Variants in OPCML observed in about 807,000 individuals in gnomAD.
The protein encoded by OPCML is opioid binding protein/cell adhesion molecule like, also known as opioid-binding protein/cell adhesion molecule.
In OPCML, 13 loss-of-function variants were observed where a neutral mutation model predicts 37.8. That is an observed-to-expected ratio of 0.34 (90% CI 0.22 to 0.55). OPCML has a LOEUF of 0.55. Among genes scored for constraint, OPCML ranks in the 20% least tolerant of loss-of-function variants. The probability of loss-of-function intolerance (pLI) is 0.91; values close to 1 mark genes in which losing one functional copy is unlikely to be tolerated. For missense variants in OPCML, 341 were observed against 435.6 expected (o/e 0.78, Z 1.93); for synonymous variants, 176 against 168.8 (o/e 1.04, Z -0.33).
chr11:133,033,995 C>A (rs750692837), intron 1 of OPCML, among the ~76,000 whole-genome samples: 13 of 152,126 alleles, frequency 8.5e-5, no homozygotes, highest in Non-Finnish European at 1.3e-4. Context: ...TAACTGACAC[C>A]CTTTATTACT....
chr11:133,347,269 C>G (rs973134909), intron 1 of OPCML, among the ~76,000 whole-genome samples: 14 of 152,194 alleles, frequency 9.2e-5, no homozygotes, highest in African/African-American at 3.4e-4. Context: ...CATGATGACT[C>G]TCCCTGGGAG....
intron 1 of OPCML, among the ~76,000 whole-genome samples, chr11:133,444,444 G>T (rs78599762): frequency 0.014 from 2,148 of 152,234 alleles, 112 homozygotes; most frequent in Admixed American, 0.1. Flanking sequence ...CTAGTTCAAA[G>T]ATGATTTGAG....
At chr11:132,654,323 C>A (rs373287540) in intron 3 of OPCML, among the ~76,000 whole-genome samples, 1 of 152,168 alleles carries the variant, frequency 6.6e-6, no homozygotes, top group Admixed American at 6.5e-5. Context: ...AATGTCCTCC[C>A]GAAGAGAAGA....
At chr11:133,340,448 A>G (rs1943840121) in intron 1 of OPCML, among the ~76,000 whole-genome samples, 1 of 151,960 alleles carries the variant, frequency 6.6e-6, no homozygotes. Context: ...ACTTTTCCCC[A>G]CCTCCTCTTT....
intron 1 of OPCML, among the ~76,000 whole-genome samples, chr11:133,150,557 C>A (rs879708972): frequency 3.9e-5 from 6 of 152,290 alleles, no homozygotes; most frequent in Admixed American, 6.5e-5. Flanking sequence ...CCTCTAAAAC[C>A]TGAAGCCACT....
chr11:133,053,863 T>C (rs1216346555), intron 1 of OPCML, among the ~76,000 whole-genome samples: 1 of 152,132 alleles, frequency 6.6e-6, no homozygotes, highest in Non-Finnish European at 1.5e-5. Context: ...AATCTAACCA[T>C]CCACATGGCA....
intron 3 of OPCML, among the ~76,000 whole-genome samples, chr11:132,551,076 C>G (rs922563458): frequency 6.6e-6 from 1 of 152,148 alleles, no homozygotes; most frequent in African/African-American, 2.4e-5. Flanking sequence ...GAGATGGGCC[C>G]TTTCTCAGTG....
intron 1 of OPCML, among the ~76,000 whole-genome samples, chr11:133,378,103 T>A (rs1944855749): frequency 6.6e-6 from 1 of 152,242 alleles, no homozygotes; most frequent in Non-Finnish European, 1.5e-5. Context: ...GCGTCAGGCG[T>A]TTAGAAGAAG....
chr11:132,648,509 A>G (rs1164694482), intron 3 of OPCML, among the ~76,000 whole-genome samples: 1 of 148,830 alleles, frequency 6.7e-6, no homozygotes, highest in Non-Finnish European at 1.5e-5. Context: ...AGGCCCTGAC[A>G]CTTCTCTCTG....
chr11:132,936,112 G>A (rs1029817144), intron 2 of OPCML, among the ~76,000 whole-genome samples: 1 of 152,172 alleles, frequency 6.6e-6, no homozygotes, highest in African/African-American at 2.4e-5. Context: ...GTGCGGGTGA[G>A]GGGAGGGAAG....
intron 1 of OPCML, among the ~76,000 whole-genome samples, chr11:133,321,899 A>C (rs1943338192): frequency 6.6e-6 from 1 of 152,098 alleles, no homozygotes; most frequent in Non-Finnish European, 1.5e-5. Flanking sequence ...TTTGACTGCA[A>C]ACCTCAAGCA....
intron 3 of OPCML, among the ~76,000 whole-genome samples, chr11:132,633,982 G>A (rs568969361): frequency 6.6e-6 from 1 of 152,308 alleles, no homozygotes; most frequent in South Asian, 2.1e-4. Flanking sequence ...CCAGTGTGTG[G>A]CTTGGACCAT....
chr11:132,681,186 AAGGG>A (rs1942924984), intron 2 of OPCML, among the ~76,000 whole-genome samples: 1 of 152,172 alleles, frequency 6.6e-6, no homozygotes, highest in Admixed American at 6.5e-5. Context: ...CTAGGCAGAA[AAGGG>A]TGCGGTCCCT....
intron 1 of OPCML, among the ~76,000 whole-genome samples, chr11:133,502,169 T>A (rs561164557): frequency 1.2e-4 from 19 of 152,294 alleles, no homozygotes; most frequent in African/African-American, 3.4e-4. Flanking sequence ...GTGCCCAGAC[T>A]TGAGCCCTGT....
chr11:133,467,122 G>C (rs1376822691), intron 1 of OPCML, among the ~76,000 whole-genome samples: 1 of 152,182 alleles, frequency 6.6e-6, no homozygotes, highest in Non-Finnish European at 1.5e-5. Context: ...GAACACTGGG[G>C]ACATTCAAGG....
chr11:132,766,337 G>GA (rs1297600676), intron 2 of OPCML, among the ~76,000 whole-genome samples: 1 of 152,136 alleles, frequency 6.6e-6, no homozygotes, highest in Non-Finnish European at 1.5e-5. Flanking sequence ...ACTAATCTCA[G>GA]AAAAATGGTA....
chr11:132,436,819 G>A (rs764015633), intron 5 of OPCML, 40 bp from the exon 6 acceptor site: 90 of 1,599,424 alleles, frequency 5.6e-5, no homozygotes, highest in South Asian at 3.6e-4. Context: ...AGGCATGCAC[G>A]CACGCACACA....
chr11:132,832,562 CTTTTTT>C (rs1449013533), intron 2 of OPCML, among the ~76,000 whole-genome samples: 1 of 152,160 alleles, frequency 6.6e-6, no homozygotes, highest in Non-Finnish European at 1.5e-5. Flanking sequence ...CCAATGCTTT[CTTTTTT>C]AACAAAAGCT....
At chr11:132,557,318 C>T (rs1485014763) in intron 3 of OPCML, among the ~76,000 whole-genome samples, 3 of 152,160 alleles carry the variant, frequency 2.0e-5, no homozygotes, top group Admixed American at 6.5e-5. Context: ...AGAGGTATCA[C>T]GTCCCTTAGA....
Sources: gnomAD v4.1 joint callset for allele counts (sites outside exome capture counted in the v4.1 genomes callset) on GRCh38, gnomAD v4.1.1 for gene constraint, MANE v1.5 for transcripts, NCBI Gene and HGNC (gene_info 2026-07-23, HGNC 2026-07-21) for gene names.